FAM177A1: variants seen among roughly 807,000 people sequenced by gnomAD.
FAM177A1 encodes the protein family with sequence similarity 177 member A1.
A neutral mutation model predicts 26.1 loss-of-function variants in FAM177A1; 22 were observed. The ratio of observed to expected loss-of-function variants is 0.84; its 90% CI spans 0.60 to 1.20. The LOEUF (loss-of-function observed/expected upper bound fraction) is 1.20, where lower values mean the gene tolerates loss of function less well. Among genes scored for constraint, FAM177A1 ranks in the 50% most tolerant of loss-of-function variants. The probability of loss-of-function intolerance (pLI) is 0.00; values close to 1 mark genes in which losing one functional copy is unlikely to be tolerated. For missense variants in FAM177A1, 296 were observed against 291.1 expected (o/e 1.02, Z -0.12); for synonymous variants, 95 against 99.3 (o/e 0.96, Z 0.26).
chr14:35,061,714 G>A (rs2045161048), intron 2 of FAM177A1, among the ~76,000 whole-genome samples: 1 of 151,026 alleles, frequency 6.6e-6, no homozygotes, highest in African/African-American at 2.4e-5. Context: ...GTATACATAT[G>A]TAACTAACTG....
At chr14:35,075,673 T>C (rs1009337958) in intron 2 of FAM177A1, among the ~76,000 whole-genome samples, 1 of 152,070 alleles carries the variant, frequency 6.6e-6, no homozygotes, top group Non-Finnish European at 1.5e-5. Flanking sequence ...ACCTACAGAA[T>C]GGGAGAAAAT....
In FAM177A1 at chr14:35,069,134, C is replaced by T. The variant is rs115839380; in HGVS notation, c.340-8016C>T. On this transcript the variant is annotated intron_variant, in intron 2 of 4. Coordinates refer to ENST00000280987, the MANE Select transcript of FAM177A1 (RefSeq NM_173607.5). ...TCTGTTCATTGTTGGAAACCTTGTC[C>T]GCATCTTTGTAGATAATACCCTATT... Among the ~76,000 whole-genome samples, 465 of 152,142 alleles carry T rather than the reference C, an allele frequency of 3.1e-3. 5 individuals carry two copies. The highest frequency in any genetic ancestry group is 0.01 in the African/African-American group (426 of 41,512).
rs552094922 is a variant in FAM177A1 at position 35,076,506 on chromosome 14, G to A, written c.340-644G>A. Among the ~76,000 whole-genome samples the A allele has an allele frequency of 9.2e-5, 14 of 152,080 alleles. No individual in the cohort carries two copies. In the East Asian group the frequency reaches 1.4e-3, roughly 15 times the overall value. ...TACCTAATGTAAATGACGAGTTAAT[G>A]GGTGCAGCACACCAACATGGCACAT... On this transcript the variant is annotated intron_variant, in intron 2 of 4. Transcript: ENST00000280987.
At chr14:35,045,301 ATTAT>A (rs781529376), upstream of FAM177A1, 4 of 152,274 alleles carry the variant, frequency 2.6e-5, no homozygotes, top group African/African-American at 4.8e-5. Context: ...TTTTCAAATG[ATTAT>A]TTGTTTTTTA....
intron 2 of FAM177A1, among the ~76,000 whole-genome samples, chr14:35,061,300 T>A (rs1400886998): frequency 6.6e-6 from 1 of 151,970 alleles, no homozygotes; most frequent in Non-Finnish European, 1.5e-5. Flanking sequence ...CTGTCCTGGC[T>A]GGCTCCCCTA....
At chr14:35,078,549 A>G (rs2045431277) in intron 3 of FAM177A1, among the ~76,000 whole-genome samples, 1 of 152,138 alleles carries the variant, frequency 6.6e-6, no homozygotes, top group Non-Finnish European at 1.5e-5. Context: ...ATGAGGTTTC[A>G]TCATGTTGTT....
At chr14:35,051,119 TTTA>T (rs2044961428) in intron 1 of FAM177A1, among the ~76,000 whole-genome samples, 3 of 152,206 alleles carry the variant, frequency 2.0e-5, no homozygotes, top group Middle Eastern at 6.8e-3. Context: ...TTTAAGATAG[TTTA>T]TTATTTTTAT....
chr14:35,068,277 A>G (rs2045268991), intron 2 of FAM177A1, among the ~76,000 whole-genome samples: 1 of 152,212 alleles, frequency 6.6e-6, no homozygotes, highest in Non-Finnish European at 1.5e-5. Context: ...TTAATGTTAG[A>G]GCATTTTGAT....
chr14:35,081,340 A>G lies in FAM177A1; in HGVS notation c.*112A>G, dbSNP rs570496776. On this transcript the variant is annotated 3_prime_UTR_variant, in exon 5 of 5. Transcript: ENST00000280987. ...ACAATTATTTATATTTTAAATTATTAAAGTATCTGGAAAGGGAAAATGTTT... is the reference window on the plus strand; with the variant it reads ...ACAATTATTTATATTTTAAATTATTGAAGTATCTGGAAAGGGAAAATGTTT... 1 of 1,047,224 alleles carries G rather than the reference A, an allele frequency of 9.5e-7. No homozygotes were observed. Among genetic ancestry groups the G allele is most frequent in the African/African-American group, 1.6e-5 (1 of 61,500 alleles). The allele number at this position is 1,047,224 out of a possible 1,614,324, so 64.9% of individuals were successfully genotyped here. A position where few individuals can be genotyped will look rare whatever the true frequency, so the allele number is the denominator to read the frequency against.
chr14:35,070,059 G>A (rs1485384088), intron 2 of FAM177A1, among the ~76,000 whole-genome samples: 1 of 130,346 alleles, frequency 7.7e-6, no homozygotes, highest in Non-Finnish European at 1.6e-5. Context: ...AGGTTGCAGT[G>A]AGCCAAGATT....
At chr14:35,078,115 A>T (rs1260223599) in intron 3 of FAM177A1, among the ~76,000 whole-genome samples, 1 of 152,186 alleles carries the variant, frequency 6.6e-6, no homozygotes, top group Non-Finnish European at 1.5e-5. Context: ...TAATTGATTC[A>T]ACAAACATTT....
intron 2 of FAM177A1, among the ~76,000 whole-genome samples, chr14:35,057,389 C>T (rs186352063): frequency 0.013 from 1,899 of 147,172 alleles, 32 homozygotes; most frequent in Middle Eastern, 0.056. Context: ...GTTATACCTT[C>T]TTTTTTTTTT....
chr14:35,072,384 A>T (rs1017446887), intron 2 of FAM177A1, among the ~76,000 whole-genome samples: 7 of 152,072 alleles, frequency 4.6e-5, no homozygotes, highest in African/African-American at 1.2e-4. Context: ...CTTCTTCCTC[A>T]TTGTCTTCAC....
intron 2 of FAM177A1, among the ~76,000 whole-genome samples, chr14:35,055,989 T>C (rs573950268): frequency 2.0e-4 from 31 of 152,244 alleles, no homozygotes; most frequent in African/African-American, 7.5e-4. Flanking sequence ...TTCAGGTGCA[T>C]ATTGGCCATT....
Position 35,046,381 on chromosome 14 carries a change from C to A in FAM177A1, c.-83C>A. The stretch of plus-strand genomic sequence containing the variant: ...TCCCCTTCTCAGAGACTTGGCTAGG[C>A]GCGGCGCGAGGCGGGCGCTGGGCGG... On this transcript the variant is annotated 5_prime_UTR_variant, in exon 1 of 5. Coordinates refer to ENST00000280987, the MANE Select transcript of FAM177A1 (RefSeq NM_173607.5). The A allele has an allele frequency of 7.5e-7, 1 of 1,331,640 alleles. No individual in the cohort carries two copies. The highest frequency in any genetic ancestry group is 9.7e-7 in the Non-Finnish European group (1 of 1,028,318). 82.5% of individuals were successfully genotyped at this position (1,331,640 alleles called of 1,614,324 possible). A position where few individuals can be genotyped will look rare whatever the true frequency, so the allele number is the denominator to read the frequency against.
intron 2 of FAM177A1, among the ~76,000 whole-genome samples, chr14:35,071,776 C>A (rs1021877823): frequency 1.3e-5 from 2 of 152,102 alleles, no homozygotes; most frequent in East Asian, 3.9e-4. Context: ...ACAGTTGAAC[C>A]TTGAACAATG....
At position 35,081,716 on chromosome 14, in the gene FAM177A1, C is replaced by G. The variant is rs913435916; in HGVS notation, c.*488C>G. On this transcript the variant is annotated 3_prime_UTR_variant, in exon 5 of 5. Coordinates refer to ENST00000280987, the MANE Select transcript of FAM177A1 (RefSeq NM_173607.5). Reference sequence around the variant, plus strand: ...ATGCTTCACCATATAATAAAAGGAGCAAGATGGAAGCACTTTGAATTTTCT... The same window carrying G: ...ATGCTTCACCATATAATAAAAGGAGGAAGATGGAAGCACTTTGAATTTTCT... 1 of 151,940 alleles carries G rather than the reference C, an allele frequency of 6.6e-6. No individual in the cohort carries two copies. The highest frequency in any genetic ancestry group is 2.4e-5 in the African/African-American group (1 of 41,396). The allele number at this position is 151,940 out of a possible 1,614,324, so 9.4% of individuals were successfully genotyped here. A position where few individuals can be genotyped will look rare whatever the true frequency, so the allele number is the denominator to read the frequency against.
Position 35,082,802 on chromosome 14 carries a change from TG to T in FAM177A1, c.*1577del, listed in dbSNP as rs765828701. ...GTCAAAGAAAGTAACATCAATATAG[TG>T]GGTCTGTAATGGAAATCTGTCAATG... is the stretch of plus-strand genomic sequence containing the variant. On this transcript the variant is annotated 3_prime_UTR_variant, in exon 5 of 5. Coordinates refer to ENST00000280987, the MANE Select transcript of FAM177A1 (RefSeq NM_173607.5). 6 of 152,086 alleles carry T rather than the reference TG, an allele frequency of 3.9e-5. No homozygotes were observed. Among genetic ancestry groups the T allele is most frequent in the Non-Finnish European group, 7.4e-5 (5 of 68,006 alleles). The allele number at this position is 152,086 out of a possible 1,614,324, so 9.4% of individuals were successfully genotyped here. A position where few individuals can be genotyped will look rare whatever the true frequency, so the allele number is the denominator to read the frequency against.
intron 2 of FAM177A1, among the ~76,000 whole-genome samples, chr14:35,073,856 T>A (rs1292689747): frequency 6.6e-6 from 1 of 152,212 alleles, no homozygotes; most frequent in African/African-American, 2.4e-5. Context: ...TAAATGTCTT[T>A]TGTGGCATGT....
Sources: gnomAD v4.1 joint callset for allele counts (sites outside exome capture counted in the v4.1 genomes callset) on GRCh38, gnomAD v4.1.1 for gene constraint, MANE v1.5 for transcripts, NCBI Gene and HGNC (gene_info 2026-07-23, HGNC 2026-07-21) for gene names.